The following NUDCD1 variants were observed in gnomAD, a reference collection of about 807,000 sequenced individuals.
NUDCD1 encodes NudC domain containing 1, also known as nudC domain-containing protein 1.
In NUDCD1, 60 loss-of-function variants were observed where a neutral mutation model predicts 67.8. The ratio of observed to expected loss-of-function variants is 0.88; its 90% CI spans 0.72 to 1.10. The LOEUF is 1.10. NUDCD1 is among the 50% of genes least tolerant of loss of function. The pLI, the probability that NUDCD1 is intolerant of heterozygous loss-of-function variation, is 0.00. For missense variants in NUDCD1, 643 were observed against 695.0 expected (o/e 0.93, Z 0.84); for synonymous variants, 244 against 230.8 (o/e 1.06, Z -0.52).
chr8:109,307,050 C>A (rs1485997692), intron 2 of NUDCD1, among the ~76,000 whole-genome samples: 1 of 152,056 alleles, frequency 6.6e-6, no homozygotes, highest in Non-Finnish European at 1.5e-5. Context: ...GGCTCTGAGC[C>A]CAAGTTAAGC....
chr8:109,289,731 C>A lies in NUDCD1; in HGVS notation c.823+20G>T, dbSNP rs1301750516. 1 of 1,215,938 alleles carries A rather than the reference C, an allele frequency of 8.2e-7. No homozygotes were observed. Among genetic ancestry groups the A allele is most frequent in the East Asian group, 2.5e-5 (1 of 40,112 alleles). 75.3% of individuals were successfully genotyped at this position (1,215,938 alleles called of 1,614,324 possible). ...ATGTTTATGAAAATACCAATAAGCT[C>A]TATTAAGAATAAAAATTACCTTTGA... On this transcript the variant is annotated intron_variant, in intron 5 of 9. Transcript: ENST00000239690.
Position 109,275,381 on chromosome 8 carries a change from G to C in NUDCD1, c.1144C>G (p.Arg382Gly). The C allele has an allele frequency of 6.2e-7, 1 of 1,613,352 alleles. No homozygotes were observed. Among genetic ancestry groups the C allele is most frequent in the Non-Finnish European group, 8.5e-7 (1 of 1,179,552 alleles). ...TCTTCAGAGGTCAAATGCATCAAACGTTCAGCTATTGCAGCACACTGGGCT... is the reference window on the plus strand; with the variant it reads ...TCTTCAGAGGTCAAATGCATCAAACCTTCAGCTATTGCAGCACACTGGGCT... Reference protein sequence around the residue: ...DSAQCAAIAERLMHLTSEELN... With the variant: ...DSAQCAAIAEGLMHLTSEELN... Residue 382 changes from arginine (R) to glycine (G), a missense_variant, in exon 7 of 10, where the codon CGT becomes GGT. Arg to Gly is a moderately radical substitution (Grantham distance 125, BLOSUM62 -2). Transcript: ENST00000239690.
At chr8:109,290,543 A>G (rs1814688919) in intron 4 of NUDCD1, among the ~76,000 whole-genome samples, 1 of 152,210 alleles carries the variant, frequency 6.6e-6, no homozygotes, top group African/African-American at 2.4e-5. Context: ...CATTTTAACA[A>G]TGAAATAAAT....
chr8:109,307,805 A>T (rs777867919), intron 2 of NUDCD1, among the ~76,000 whole-genome samples: 5 of 152,198 alleles, frequency 3.3e-5, no homozygotes, highest in Non-Finnish European at 7.3e-5. Flanking sequence ...TGGCACCAAA[A>T]ACGAGCAGAA....
intron 8 of NUDCD1, among the ~76,000 whole-genome samples, chr8:109,254,010 C>G (rs1813675859): frequency 6.6e-6 from 1 of 152,092 alleles, no homozygotes; most frequent in Non-Finnish European, 1.5e-5. Context: ...CCACAAAACC[C>G]ATTTTTCACT....
intron 2 of NUDCD1, among the ~76,000 whole-genome samples, chr8:109,311,015 C>G (rs764316681): frequency 1.3e-5 from 2 of 151,918 alleles, no homozygotes; most frequent in African/African-American, 4.8e-5. Context: ...GGGGTTTCAC[C>G]ATGTTGGCCA....
Position 109,319,671 on chromosome 8 carries a change from C to T in NUDCD1, c.273+2638G>A, listed in dbSNP as rs527341145. Among the ~76,000 whole-genome samples the T allele has an allele frequency of 5.3e-5, 8 of 152,312 alleles. 2 individuals are homozygous for T. The South Asian group carries it at 1.7e-3, about 32-fold the overall frequency. On this transcript the variant is annotated intron_variant, in intron 2 of 9. Coordinates refer to ENST00000239690, the MANE Select transcript of NUDCD1 (RefSeq NM_032869.4). ...TAGGATACAGCACATGTCTCAGGAA[C>T]TGCAAGAGTTTAGTATGGCTAGAAT...
In NUDCD1 at chr8:109,242,407, G is replaced by C; in HGVS notation, c.*602C>G. On this transcript the variant is annotated 3_prime_UTR_variant, in exon 10 of 10. Coordinates refer to ENST00000239690, the MANE Select transcript of NUDCD1 (RefSeq NM_032869.4). ...TGGTGTGGTTTGTTATGCAGTGATG[G>C]ATAATGTGAAATCTTATCTCTCTTT... 3 of 336,726 alleles carry C rather than the reference G, an allele frequency of 8.9e-6. No homozygotes were observed. The Middle Eastern group carries it at 2.3e-3, about 262-fold the overall frequency. 20.9% of individuals were successfully genotyped at this position (336,726 alleles called of 1,614,324 possible).
At chr8:109,328,278 T>C (rs563129659) in intron 1 of NUDCD1, among the ~76,000 whole-genome samples, 1 of 152,250 alleles carries the variant, frequency 6.6e-6, no homozygotes, top group African/African-American at 2.4e-5. Flanking sequence ...TCCCTCCCTT[T>C]AACTGTAGTG....
intron 3 of NUDCD1, among the ~76,000 whole-genome samples, chr8:109,294,022 C>T (rs571784768): frequency 4.8e-4 from 73 of 151,700 alleles, no homozygotes; most frequent in African/African-American, 1.7e-3. Context: ...TATAAAAACA[C>T]ACAAAATCTT....
chr8:109,289,525 T>TA (rs1435179360), intron 5 of NUDCD1, among the ~76,000 whole-genome samples: 2 of 152,094 alleles, frequency 1.3e-5, no homozygotes, highest in Non-Finnish European at 2.9e-5. Context: ...AACGATTTTT[T>TA]AAAAAAACAT....
chr8:109,262,061 A>G (rs1813874284), intron 8 of NUDCD1, among the ~76,000 whole-genome samples: 1 of 152,252 alleles, frequency 6.6e-6, no homozygotes, highest in South Asian at 2.1e-4. Flanking sequence ...AGGGCAAGAA[A>G]AGACTACTCA....
At chr8:109,296,093 A>C (rs1814835326) in intron 3 of NUDCD1, among the ~76,000 whole-genome samples, 1 of 152,138 alleles carries the variant, frequency 6.6e-6, no homozygotes, top group Non-Finnish European at 1.5e-5. Flanking sequence ...AAGAAGGAGG[A>C]GGCAACGCCA....
intron 2 of NUDCD1, among the ~76,000 whole-genome samples, chr8:109,307,562 T>A (rs1398763563): frequency 6.6e-6 from 1 of 151,976 alleles, no homozygotes; most frequent in African/African-American, 2.4e-5. Flanking sequence ...ACAGGACCTA[T>A]GAAACAAAAA....
intron 2 of NUDCD1, among the ~76,000 whole-genome samples, chr8:109,300,688 C>T (rs1459217541): frequency 2.0e-5 from 3 of 152,088 alleles, no homozygotes; most frequent in Non-Finnish European, 4.4e-5. Flanking sequence ...GGGGAATAAT[C>T]GAGGTAAACT....
intron 1 of NUDCD1, among the ~76,000 whole-genome samples, chr8:109,324,861 C>G (rs940065428): frequency 6.6e-6 from 1 of 152,092 alleles, no homozygotes; most frequent in Non-Finnish European, 1.5e-5. Context: ...CCAAGGCGGG[C>G]GGATCACGAG....
chr8:109,312,021 G>C (rs148108411), intron 2 of NUDCD1, among the ~76,000 whole-genome samples: 134 of 152,172 alleles, frequency 8.8e-4, no homozygotes, highest in Admixed American at 1.9e-3. Flanking sequence ...AAAAAAAGTC[G>C]GCTGGGCGCG....
Position 109,304,391 on chromosome 8 carries a change from T to C in NUDCD1, c.274-7822A>G, listed in dbSNP as rs542076594. ...CCTCACTCTGATCACACTTGGTTTA[T>C]TGATGGCAGTTCCACTAGGCCTAAT... On this transcript the variant is annotated intron_variant, in intron 2 of 9. Coordinates refer to ENST00000239690, the MANE Select transcript of NUDCD1 (RefSeq NM_032869.4). 1.1e-4 allele frequency among the ~76,000 whole-genome samples: 17 copies of C among 152,298 alleles called. No homozygotes were observed. The East Asian group carries it at 1.9e-3, about 17-fold the overall frequency.
At chr8:109,320,150 T>C (rs566042475) in intron 2 of NUDCD1, among the ~76,000 whole-genome samples, 32 of 152,306 alleles carry the variant, frequency 2.1e-4, no homozygotes, top group African/African-American at 7.5e-4. Context: ...ACCATTGTCA[T>C]TGATAACATC....
Sources: gnomAD v4.1 joint callset for allele counts (sites outside exome capture counted in the v4.1 genomes callset) on GRCh38, gnomAD v4.1.1 for gene constraint, MANE v1.5 for transcripts, NCBI Gene and HGNC (gene_info 2026-07-23, HGNC 2026-07-21) for gene names.